The following LRP1 variants were observed in gnomAD, a reference collection of about 807,000 sequenced individuals.
LRP1 encodes the protein LDL receptor related protein 1, also known as prolow-density lipoprotein receptor-related protein 1.
Under a neutral mutation model 541.5 loss-of-function variants are expected in LRP1, and 51 were observed. That is an observed-to-expected ratio of 0.09 (90% CI 0.08 to 0.12). LRP1 has a LOEUF of 0.12. LRP1 is among the 10% of genes least tolerant of loss of function. The pLI is 1.00. For missense variants in LRP1, 3,878 were observed against 6,376.2 expected (o/e 0.61, Z 13.34); for synonymous variants, 2,219 against 2,470.8 (o/e 0.90, Z 3.02).
At chr12:57,186,055 A>G in intron 41 of LRP1, 147 bp downstream of exon 41, 1 of 936,098 alleles carries the variant, frequency 1.1e-6, no homozygotes, top group African/African-American at 1.7e-5. Flanking sequence ...CCGCAGTTAC[A>G]TGACTCCTGA....
intron 20 of LRP1, among the ~76,000 whole-genome samples, chr12:57,172,032 C>G (rs1286043477): frequency 5.3e-5 from 8 of 151,318 alleles, no homozygotes; most frequent in African/African-American, 1.9e-4. Flanking sequence ...TCCCCCTGCA[C>G]TCTACTCCAG....
chr12:57,151,811 A>G (rs1216398177), intron 6 of LRP1, among the ~76,000 whole-genome samples: 1 of 149,554 alleles, frequency 6.7e-6, no homozygotes, highest in East Asian at 1.9e-4. Context: ...ATACGTGCGT[A>G]TGTGCGTGTG....
Position 57,184,802 on chromosome 12 carries a change from C to A in LRP1, c.6187-37C>A. The A allele has an allele frequency of 6.3e-7, 1 of 1,593,474 alleles. No individual in the cohort carries two copies. The highest frequency in any genetic ancestry group is 2.3e-5 in the East Asian group (1 of 44,430). On this transcript the variant is annotated intron_variant, in intron 38 of 88. Transcript: ENST00000243077. This position sits in a 1 kb window ranked among gnomAD's most constrained non-coding sequence, Gnocchi z 7.8. The stretch of plus-strand genomic sequence containing the variant: ...CCAGACATGGGGCTGGCAGCGAGCT[C>A]AGCCCTGGAGGTGAGGTGGGTGCCT...
rs574534184 is a variant in LRP1 at position 57,211,759 on chromosome 12, C to A, written c.13203C>A (p.Pro4401=). 1.2e-6 allele frequency: 2 copies of A among 1,613,330 alleles called. No homozygotes were observed. Among genetic ancestry groups the A allele is most frequent in the African/African-American group, 2.7e-5 (2 of 75,034 alleles). ...SKMMPECQCP[P]HMTGPRCEEH... ...TCCCTCCTTTCTGCAGGTGCCCACC[C>A]CACATGACAGGGCCCCGGTGTGAGG... The change falls in exon 86 of 89, where the codon CCC becomes CCA. Residue 4401 remains proline (P), a synonymous_variant. Transcript: ENST00000243077. The surrounding 1 kb of genome is among the most constrained non-coding windows in gnomAD (Gnocchi z 4.3).
In LRP1 at chr12:57,191,314, C is replaced by T. The variant is rs780490979; in HGVS notation, c.7237-6C>T. ...TGCTGTGACGGTGATGGTGCTGTCTCCACAGGTGATCCTAAAGTCAGAGCC... is the reference window on the plus strand; with the variant it reads ...TGCTGTGACGGTGATGGTGCTGTCTTCACAGGTGATCCTAAAGTCAGAGCC... On this transcript the variant is annotated splice_region_variant and splice_polypyrimidine_tract_variant and intron_variant, in intron 43 of 88. Transcript: ENST00000243077. 7 of 1,595,260 alleles carry T rather than the reference C, an allele frequency of 4.4e-6. No homozygotes were observed. In the Admixed American group the frequency reaches 1.0e-4, roughly 23 times the overall value.
chr12:57,134,706 T>C (rs762549136), intron 1 of LRP1, among the ~76,000 whole-genome samples: 1 of 151,710 alleles, frequency 6.6e-6, no homozygotes, highest in African/African-American at 2.4e-5. Context: ...TTTCTTTCTT[T>C]CTTTTTTTTT....
rs186032379 is a variant in LRP1 at position 57,206,095 on chromosome 12, C to A, written c.11591-378C>A. Reference sequence around the variant, plus strand: ...CCCCCACCATGCACTCCCATGCACACCCTCGTGCTCCATGCCAAGCACACA... The same window carrying A: ...CCCCCACCATGCACTCCCATGCACAACCTCGTGCTCCATGCCAAGCACACA... On this transcript the variant is annotated intron_variant, in intron 75 of 88. Transcript: ENST00000243077. This position sits in a 1 kb window ranked among gnomAD's most constrained non-coding sequence, Gnocchi z 4.7. Among the ~76,000 whole-genome samples the A allele has an allele frequency of 1.2e-4, 19 of 152,358 alleles. No individual in the cohort carries two copies. The highest frequency in any genetic ancestry group is 3.9e-4 in the Admixed American group (6 of 15,310).
rs1375430320 is a variant in LRP1 at position 57,201,026 on chromosome 12, C to A, written c.10226-8C>A. On this transcript the variant is annotated splice_region_variant and splice_polypyrimidine_tract_variant and intron_variant, in intron 64 of 88. Transcript: ENST00000243077. This position sits in a 1 kb window ranked among gnomAD's most constrained non-coding sequence, Gnocchi z 6.4. ...TTCGCCACGAATCACCTCCTCCTCC[C>A]TCCACAGACATCCACGTCTGCTTGC... 1.9e-6 allele frequency: 3 copies of A among 1,613,978 alleles called. No homozygotes were observed. The highest frequency in any genetic ancestry group is 2.5e-6 in the Non-Finnish European group (3 of 1,180,034).
At chr12:57,203,849 G>A (rs2036709975) in intron 70 of LRP1, 2 of 309,916 alleles carry the variant, frequency 6.5e-6, no homozygotes, top group Non-Finnish European at 1.2e-5. Context: ...ACAGTCTGCT[G>A]CCACAAGAAG....
chr12:57,152,082 T>C (rs943814422), intron 6 of LRP1, among the ~76,000 whole-genome samples: 3 of 152,144 alleles, frequency 2.0e-5, no homozygotes, highest in Non-Finnish European at 2.9e-5. Flanking sequence ...ATGATCTCTC[T>C]GCCTTCCTTC....
chr12:57,172,062 CTTTTTTTT>C (rs57732385), intron 20 of LRP1, among the ~76,000 whole-genome samples: 1 of 126,850 alleles, frequency 7.9e-6, no homozygotes, highest in African/African-American at 2.9e-5. Context: ...TTTCTTTTTT[CTTTTTTTT>C]TTTTTTTGAG....
chr12:57,150,253 G>A (rs190391152), intron 6 of LRP1, among the ~76,000 whole-genome samples: 1 of 131,042 alleles, frequency 7.6e-6, no homozygotes, highest in East Asian at 2.3e-4. Flanking sequence ...GTGCAGTGAT[G>A]CAATCTTGGC....
At chr12:57,187,708 C>T (rs1249422269) in intron 42 of LRP1, among the ~76,000 whole-genome samples, 1 of 152,218 alleles carries the variant, frequency 6.6e-6, no homozygotes, top group African/African-American at 2.4e-5. Flanking sequence ...GACGCTCTGC[C>T]TTTGTGATTG....
chr12:57,145,917 C>T (rs2035396495), intron 6 of LRP1, among the ~76,000 whole-genome samples: 1 of 152,148 alleles, frequency 6.6e-6, no homozygotes, highest in East Asian at 1.9e-4. Flanking sequence ...GCTCTGTCTC[C>T]ATGGGCCATC....
rs1260532647 is a variant in LRP1, at chr12:57,178,299, C to T, written c.4362-60C>T. ...AGGGCCCAGAGGGTGGGCACCTGGG[C>T]AGAGCTCTGAGGGCTGAGATCCCAG... On this transcript the variant is annotated intron_variant, in intron 26 of 88. Transcript: ENST00000243077. The surrounding 1 kb of genome is among the most constrained non-coding windows in gnomAD (Gnocchi z 5.8). The T allele has an allele frequency of 6.4e-7, 1 of 1,570,898 alleles. No homozygotes were observed. The highest frequency in any genetic ancestry group is 8.7e-7 in the Non-Finnish European group (1 of 1,155,748).
chr12:57,149,282 C>T, intron 6 of LRP1: 1 of 438,564 alleles, frequency 2.3e-6, no homozygotes, highest in Non-Finnish European at 4.0e-6. Flanking sequence ...TGGCCTTAGG[C>T]CCCCTGCATC....
At position 57,212,244 on chromosome 12, in the gene LRP1, G is replaced by T; in HGVS notation, c.13477G>T (p.Ala4493Ser). Reference sequence around the variant, plus strand: ...GGGAGGCCTACTGGACGCTGACTTTGCCCTGGACCCTGACAAGGTGGGCTG... The same window carrying T: ...GGGAGGCCTACTGGACGCTGACTTTTCCCTGGACCCTGACAAGGTGGGCTG... ...DVGGLLDADF[A>S]LDPDKPTNFT... The change falls in exon 88 of 89, where the codon GCC (alanine) becomes TCC (serine). Residue 4493 changes from alanine to serine, a missense_variant. By Grantham distance (99) the Ala-to-Ser change is moderately conservative. This residue lies in a region of LRP1 where 871 missense variants were observed against 1,212.4 expected (regional missense o/e 0.72). Transcript: ENST00000243077. This position sits in a 1 kb window ranked among gnomAD's most constrained non-coding sequence, Gnocchi z 5.0. 1 of 1,613,550 alleles carries T rather than the reference G, an allele frequency of 6.2e-7. No individual in the cohort carries two copies. Among genetic ancestry groups the T allele is most frequent in the Non-Finnish European group, 8.5e-7 (1 of 1,179,810 alleles).
rs760693930 is a variant in LRP1 at position 57,211,851 on chromosome 12, G to A, written c.13258+37G>A. The A allele has an allele frequency of 1.4e-5, 22 of 1,613,332 alleles. No homozygotes were observed. Among genetic ancestry groups the A allele is most frequent in the South Asian group, 2.2e-5 (2 of 91,076 alleles). On this transcript the variant is annotated intron_variant, in intron 86 of 88. Coordinates refer to ENST00000243077, the MANE Select transcript of LRP1 (RefSeq NM_002332.3). This position sits in a 1 kb window ranked among gnomAD's most constrained non-coding sequence, Gnocchi z 4.3. ...GGGTTGGGGCAGGCAGGGCCACCGG[G>A]ACCTAGAGCAGGGGGACCGTGTGCC...
intron 53 of LRP1, 37 bp from the exon 54 acceptor site, chr12:57,195,826 C>T: frequency 6.2e-7 from 1 of 1,614,042 alleles, no homozygotes; most frequent in Non-Finnish European, 8.5e-7. Flanking sequence ...CTCTGCCGGG[C>T]CAGGGCATCA....
Sources: gnomAD v4.1 joint callset for allele counts (sites outside exome capture counted in the v4.1 genomes callset) on GRCh38, gnomAD v4.1.1 for gene constraint, gnomAD v4.1.1 regional missense constraint, Gnocchi (gnomAD v3.1) non-coding constraint, MANE v1.5 for transcripts, NCBI Gene and HGNC (gene_info 2026-07-23, HGNC 2026-07-21) for gene names.